Variants in CMTM4 observed in about 807,000 individuals in gnomAD.
CMTM4 encodes the protein CKLF-like MARVEL transmembrane domain-containing protein 4.
In CMTM4, 8 loss-of-function variants were observed where a neutral mutation model predicts 19.0. That is an observed-to-expected ratio of 0.42 (90% CI 0.25 to 0.76). The LOEUF (loss-of-function observed/expected upper bound fraction) is 0.76, where lower values mean the gene tolerates loss of function less well. Ranked by LOEUF, CMTM4 falls within the 30% of genes least tolerant of loss-of-function variation. The probability of loss-of-function intolerance (pLI) is 0.27; values close to 1 mark genes in which losing one functional copy is unlikely to be tolerated. For synonymous variants in CMTM4, 106 were observed against 121.1 expected, an observed-to-expected ratio of 0.88 and a Z score of 0.82; for missense variants, 228 against 290.2, an observed-to-expected ratio of 0.79 and a Z score of 1.56.
intron 2 of CMTM4, among the ~76,000 whole-genome samples, chr16:66,626,487 T>C (rs1302736553): frequency 6.6e-6 from 1 of 152,042 alleles, no homozygotes; most frequent in Non-Finnish European, 1.5e-5. Context: ...CACCATGTAG[T>C]CCCAGTTACT....
At chr16:66,644,847 T>C (rs2016161459) in intron 1 of CMTM4, among the ~76,000 whole-genome samples, 1 of 152,208 alleles carries the variant, frequency 6.6e-6, no homozygotes, top group African/African-American at 2.4e-5. Flanking sequence ...AAATGCAAAC[T>C]GAGGTACCCT....
chr16:66,692,752 G>A (rs1240124571), intron 1 of CMTM4, among the ~76,000 whole-genome samples: 2 of 151,666 alleles, frequency 1.3e-5, no homozygotes. Context: ...CTAAAAAATA[G>A]AAAACTTAGC....
the CMTM4 span, among the ~76,000 whole-genome samples, chr16:66,598,419 G>T: frequency 1.3e-5 from 2 of 151,780 alleles, no homozygotes; most frequent in African/African-American, 4.8e-5. Context: ...GCTTTTTCTC[G>T]GTACCCTTTT....
At chr16:66,643,373 C>T (rs2016131831) in intron 1 of CMTM4, among the ~76,000 whole-genome samples, 1 of 152,208 alleles carries the variant, frequency 6.6e-6, no homozygotes, top group African/African-American at 2.4e-5. Context: ...ACTGCACAGG[C>T]TCATCTGACA....
chr16:66,633,644 C>CTCG (rs2015927037), intron 2 of CMTM4, among the ~76,000 whole-genome samples: 1 of 151,998 alleles, frequency 6.6e-6, no homozygotes, highest in East Asian at 1.9e-4. Flanking sequence ...GTGGCGAAAC[C>CTCG]TCGTCTCTAT....
chr16:66,633,120 T>TATATATATAA (rs1567408500), intron 2 of CMTM4, among the ~76,000 whole-genome samples: 4 of 112,634 alleles, frequency 3.6e-5, no homozygotes, highest in African/African-American at 1.3e-4. Context: ...TATATATAAA[T>TATATATATAA]ATATATATAT....
At chr16:66,657,506 T>C (rs2016420194) in intron 1 of CMTM4, among the ~76,000 whole-genome samples, 1 of 152,190 alleles carries the variant, frequency 6.6e-6, no homozygotes, top group Non-Finnish European at 1.5e-5. Context: ...TCAAAAGACT[T>C]AAAATATTCT....
At chr16:66,686,365 C>T (rs2017032202) in intron 1 of CMTM4, among the ~76,000 whole-genome samples, 1 of 151,536 alleles carries the variant, frequency 6.6e-6, no homozygotes, top group Non-Finnish European at 1.5e-5. Flanking sequence ...AGTTCGAGAC[C>T]AGCCTGGCCA....
Position 66,696,603 on chromosome 16 carries a change from TCGC to T in CMTM4, c.-81_-79del, listed in dbSNP as rs534268840. 20,861 of 814,006 alleles carry T rather than the reference TCGC, an allele frequency of 0.026. 485 individuals are homozygous for T. The highest frequency in any genetic ancestry group is 0.069 in the South Asian group (1,199 of 17,366). 50.4% of individuals were successfully genotyped at this position (814,006 alleles called of 1,614,324 possible). ...GGGCGGACTCAGCGGGGCCGCCGCA[TCGC>T]CGCCGCCGCCGCCGCCGCCGCCGCC... is the stretch of plus-strand genomic sequence containing the variant. On this transcript the variant is annotated 5_prime_UTR_variant, in exon 1 of 4. Coordinates refer to ENST00000394106, the MANE Select transcript of CMTM4 (RefSeq NM_181521.3). This position sits in a 1 kb window ranked among gnomAD's most constrained non-coding sequence, Gnocchi z 4.3.
At chr16:66,647,607 G>A (rs2016229013) in intron 1 of CMTM4, among the ~76,000 whole-genome samples, 1 of 152,134 alleles carries the variant, frequency 6.6e-6, no homozygotes, top group Non-Finnish European at 1.5e-5. Context: ...AATGAGGAAT[G>A]TGAACATCTA....
intron 2 of CMTM4, among the ~76,000 whole-genome samples, chr16:66,625,641 T>G (rs2015723995): frequency 1.3e-5 from 2 of 152,158 alleles, no homozygotes; most frequent in Admixed American, 6.5e-5. Context: ...CAACATGATC[T>G]GAGGCTAAGA....
At chr16:66,683,149 A>ATATATATACGTATATATATACATG (rs1567432063) in intron 1 of CMTM4, among the ~76,000 whole-genome samples, 7 of 127,242 alleles carry the variant, frequency 5.5e-5, no homozygotes, top group South Asian at 2.7e-4. Context: ...ATATATATGT[A>ATATATATACGTATATATATACATG]TATATATATA....
chr16:66,658,231 A>C, intron 1 of CMTM4, among the ~76,000 whole-genome samples: 1 of 111,552 alleles, frequency 9.0e-6, no homozygotes, highest in Admixed American at 1.1e-4. Flanking sequence ...GAGGGAGGGA[A>C]GGAGGGAAGG....
At chr16:66,677,284 G>A (rs1298523959) in intron 1 of CMTM4, among the ~76,000 whole-genome samples, 1 of 152,220 alleles carries the variant, frequency 6.6e-6, no homozygotes, top group Non-Finnish European at 1.5e-5. Context: ...GCCAGGCATG[G>A]CAGGACCAGA....
chr16:66,675,162 C>G (rs1297732065), intron 1 of CMTM4, among the ~76,000 whole-genome samples: 1 of 151,254 alleles, frequency 6.6e-6, no homozygotes, highest in East Asian at 1.9e-4. Flanking sequence ...CTCACTGCAA[C>G]CTCTGCCTCC....
downstream of CMTM4, chr16:66,612,747 G>C (rs903625941): frequency 3.7e-6 from 4 of 1,087,128 alleles, no homozygotes; most frequent in Non-Finnish European, 5.5e-6. The surrounding 1 kb of genome is among the most constrained non-coding windows in gnomAD (Gnocchi z 6.0). Context: ...TGCAGAGGGG[G>C]CTGCGGACAC....
rs1178140315 is a variant in CMTM4, at chr16:66,663,532, C to CTTT, written c.187-26954_187-26952dup. 2.1e-3 allele frequency among the ~76,000 whole-genome samples: 114 copies of CTTT among 55,256 alleles called. 23 individuals carry two copies. The highest frequency in any genetic ancestry group is 3.4e-3 in the South Asian group (5 of 1,472). 36.3% of individuals were successfully genotyped at this position (55,256 alleles called of 152,430 possible). ...TCTATGGTTCTAAGATTTTCATTTG[C>CTTT]TTTTTTTTTTTTTTTTTTTTTTTTT... On this transcript the variant is annotated intron_variant, in intron 1 of 3. Transcript: ENST00000394106.
chr16:66,611,325 C>CG (rs2015368608), downstream of CMTM4, among the ~76,000 whole-genome samples: 1 of 151,952 alleles, frequency 6.6e-6, no homozygotes, highest in Non-Finnish European at 1.5e-5. Flanking sequence ...TGGTGGTGCC[C>CG]GCCTGTAATC....
At chr16:66,686,908 A>T (rs1411988490) in intron 1 of CMTM4, among the ~76,000 whole-genome samples, 1 of 152,204 alleles carries the variant, frequency 6.6e-6, no homozygotes, top group South Asian at 2.1e-4. Context: ...ACTAGAAAAC[A>T]TAATCACCAG....
Sources: gnomAD v4.1 joint callset for allele counts (sites outside exome capture counted in the v4.1 genomes callset) on GRCh38, gnomAD v4.1.1 for gene constraint, Gnocchi (gnomAD v3.1) non-coding constraint, MANE v1.5 for transcripts, NCBI Gene and HGNC (gene_info 2026-07-23, HGNC 2026-07-21) for gene names.